Variants in RBFOX1 observed in about 807,000 individuals in gnomAD.
The protein encoded by RBFOX1 is RNA binding fox-1 homolog 1, also known as RNA binding protein fox-1 homolog 1.
A neutral mutation model predicts 57.7 loss-of-function variants in RBFOX1; 8 were observed. The observed-to-expected ratio is 0.14, with a 90% confidence interval of 0.08 to 0.25. The LOEUF (loss-of-function observed/expected upper bound fraction) is 0.25, where lower values mean the gene tolerates loss of function less well. RBFOX1 is among the 10% of genes least tolerant of loss of function. The pLI, the probability that RBFOX1 is intolerant of heterozygous loss-of-function variation, is 1.00. For synonymous variants in RBFOX1, 326 were observed against 222.4 expected (o/e 1.47, Z -4.15); for missense variants, 611 against 548.5 (o/e 1.11, Z -1.14).
intron 4 of RBFOX1, among the ~76,000 whole-genome samples, chr16:7,135,200 A>T (rs768964269): frequency 6.6e-6 from 1 of 152,144 alleles, no homozygotes; most frequent in African/African-American, 2.4e-5. Flanking sequence ...GTATTTCATG[A>T]ACCTGACCAA....
At chr16:7,153,525 A>G (rs2152305522) in intron 4 of RBFOX1, among the ~76,000 whole-genome samples, 1 of 151,970 alleles carries the variant, frequency 6.6e-6, no homozygotes, top group Non-Finnish European at 1.5e-5. Context: ...TCACAAGGTC[A>G]AGAGATCGAG....
At chr16:7,312,082 A>G (rs188904466) in intron 4 of RBFOX1, among the ~76,000 whole-genome samples, 1 of 152,332 alleles carries the variant, frequency 6.6e-6, no homozygotes, top group African/African-American at 2.4e-5. Flanking sequence ...GATGTTTGAT[A>G]AAGAAATGAA....
intron 3 of RBFOX1, among the ~76,000 whole-genome samples, chr16:5,847,903 T>A (rs548333157): frequency 7.2e-5 from 11 of 152,298 alleles, no homozygotes; most frequent in Non-Finnish European, 1.5e-4. Context: ...TCTGTAATTG[T>A]CCAGGACTCT....
At chr16:5,414,384 T>A (rs1455272243) in intron 1 of RBFOX1, among the ~76,000 whole-genome samples, 1 of 152,206 alleles carries the variant, frequency 6.6e-6, no homozygotes, top group Non-Finnish European at 1.5e-5. Flanking sequence ...CTCTGTGGGC[T>A]TGCTTAAAGC....
chr16:7,049,158 A>T (rs1440011597), intron 3 of RBFOX1, among the ~76,000 whole-genome samples: 1 of 152,180 alleles, frequency 6.6e-6, no homozygotes, highest in South Asian at 2.1e-4. Flanking sequence ...TTTGTTTTCT[A>T]GGGTTCCCTG....
At chr16:7,266,535 A>G (rs973659482) in intron 4 of RBFOX1, among the ~76,000 whole-genome samples, 4 of 152,102 alleles carry the variant, frequency 2.6e-5, no homozygotes, top group East Asian at 3.9e-4. Flanking sequence ...AGAACAACCT[A>G]TTACACCTCA....
At chr16:6,760,343 A>G (rs2076429931) in intron 3 of RBFOX1, among the ~76,000 whole-genome samples, 1 of 152,184 alleles carries the variant, frequency 6.6e-6, no homozygotes, top group African/African-American at 2.4e-5. Flanking sequence ...GGGAATCAAG[A>G]TGGTTTCAGT....
At chr16:7,118,394 G>A (rs1021949339) in intron 4 of RBFOX1, among the ~76,000 whole-genome samples, 6 of 151,944 alleles carry the variant, frequency 3.9e-5, no homozygotes, top group African/African-American at 1.2e-4. Flanking sequence ...CTCATCTTCT[G>A]AGAAATGCCT....
At chr16:5,294,690 G>A (rs1470976011) in intron 1 of RBFOX1, among the ~76,000 whole-genome samples, 1 of 151,944 alleles carries the variant, frequency 6.6e-6, no homozygotes, top group Non-Finnish European at 1.5e-5. Context: ...TTTCACATTT[G>A]GACCCCTTTG....
intron 1 of RBFOX1, among the ~76,000 whole-genome samples, chr16:5,454,936 T>C (rs1327595136): frequency 2.2e-5 from 1 of 46,024 alleles, no homozygotes; most frequent in Admixed American, 2.6e-4. Flanking sequence ...TCTTCCTTCC[T>C]TCCTTCCTTC....
chr16:7,523,777 C>T (rs1600822086), intron 5 of RBFOX1, among the ~76,000 whole-genome samples: 1 of 152,190 alleles, frequency 6.6e-6, no homozygotes, highest in Non-Finnish European at 1.5e-5. Flanking sequence ...TCTGTATACT[C>T]ATCTCTCTTT....
chr16:6,054,167 T>C (rs1227189868), intron 1 of RBFOX1, among the ~76,000 whole-genome samples: 1 of 152,224 alleles, frequency 6.6e-6, no homozygotes, highest in Non-Finnish European at 1.5e-5. Flanking sequence ...TTATAGTATC[T>C]TTCCTAATAG....
intron 3 of RBFOX1, among the ~76,000 whole-genome samples, chr16:6,878,222 A>G (rs1464308637): frequency 2.0e-5 from 3 of 152,198 alleles, no homozygotes; most frequent in African/African-American, 7.2e-5. Context: ...ATCAACAAAG[A>G]TTCCGTTTCT....
chr16:7,275,432 C>T (rs1280795718), intron 4 of RBFOX1, among the ~76,000 whole-genome samples: 1 of 152,160 alleles, frequency 6.6e-6, no homozygotes, highest in African/African-American at 2.4e-5. Context: ...AATGATGATT[C>T]TCCAGACATT....
At chr16:6,747,425 T>C (rs1488361475) in intron 3 of RBFOX1, among the ~76,000 whole-genome samples, 1 of 145,030 alleles carries the variant, frequency 6.9e-6, no homozygotes. Flanking sequence ...AAAAAAAATC[T>C]ATCAGTCAGT....
At chr16:6,758,557 C>T (rs2076153980) in intron 3 of RBFOX1, among the ~76,000 whole-genome samples, 1 of 152,050 alleles carries the variant, frequency 6.6e-6, no homozygotes, top group Admixed American at 6.6e-5. Flanking sequence ...AGAATATAAC[C>T]ATGCTCTCTA....
Position 7,529,483 on chromosome 16 carries a change from T to C in RBFOX1, c.270+11094T>C, listed in dbSNP as rs1313479419. On this transcript the variant is annotated intron_variant, in intron 5 of 15. Coordinates refer to ENST00000550418, the MANE Select transcript of RBFOX1 (RefSeq NM_018723.4). ...GCAAACAAATTTCCTGTCCACAGGA[T>C]GTGGTCCCTATCCATCCATCCAATC... Among the ~76,000 whole-genome samples the C allele has an allele frequency of 1.1e-4, 16 of 152,240 alleles. 1 individual carries two copies. Among genetic ancestry groups the C allele is most frequent in the Admixed American group, 1.0e-3 (16 of 15,286 alleles).
At chr16:7,426,237 G>A (rs1236462699) in intron 4 of RBFOX1, among the ~76,000 whole-genome samples, 2 of 152,148 alleles carry the variant, frequency 1.3e-5, no homozygotes, top group African/African-American at 4.8e-5. Context: ...TCTACAAATT[G>A]AGTCTTTTTT....
At chr16:7,367,760 C>T (rs1440831347) in intron 4 of RBFOX1, among the ~76,000 whole-genome samples, 1 of 152,138 alleles carries the variant, frequency 6.6e-6, no homozygotes, top group South Asian at 2.1e-4. Flanking sequence ...AGTGCAGGCT[C>T]TGCGTTGTCA....
Sources: allele counts gnomAD v4.1 joint callset (sites outside exome capture counted in the v4.1 genomes callset), GRCh38; gene constraint gnomAD v4.1.1; transcripts MANE v1.5; gene names NCBI Gene and HGNC (gene_info 2026-07-23, HGNC 2026-07-21).